The following PTP4A3 variants were observed in gnomAD, a reference collection of about 807,000 sequenced individuals.
PTP4A3 encodes protein tyrosine phosphatase 4A3, also known as protein tyrosine phosphatase type IVA 3.
PTP4A3 carries 9 observed loss-of-function variants against 15.2 expected under a neutral mutation model. The observed-to-expected ratio is 0.59, with a 90% confidence interval of 0.36 to 1.03. PTP4A3 has a LOEUF of 1.03. PTP4A3 is among the 50% of genes least tolerant of loss of function. The pLI is 0.02. For synonymous variants in PTP4A3, 95 were observed against 102.0 expected (o/e 0.93, Z 0.41); for missense variants, 234 against 252.1 (o/e 0.93, Z 0.49).
At chr8:141,405,762 A>T (rs1832705084) in intron 1 of PTP4A3, among the ~76,000 whole-genome samples, 1 of 151,466 alleles carries the variant, frequency 6.6e-6, no homozygotes, top group South Asian at 2.1e-4. Context: ...GGGACAGAGG[A>T]CAGGTCTCGG....
intron 1 of PTP4A3, among the ~76,000 whole-genome samples, chr8:141,399,410 G>T (rs73713616): frequency 6.6e-6 from 1 of 151,852 alleles, no homozygotes; most frequent in Admixed American, 6.5e-5. Flanking sequence ...GGGAATTGCC[G>T]TGTGGAGCTC....
intron 1 of PTP4A3, among the ~76,000 whole-genome samples, chr8:141,399,563 G>A (rs73713617): frequency 0.012 from 1,817 of 152,364 alleles, 38 homozygotes; most frequent in African/African-American, 0.041. Flanking sequence ...CTGGGCCTCC[G>A]TTTTTGTGTC....
chr8:141,413,981 C>T (rs959563403), intron 1 of PTP4A3, among the ~76,000 whole-genome samples: 3 of 146,310 alleles, frequency 2.1e-5, no homozygotes, highest in African/African-American at 8.3e-5. Context: ...TGGTGGGCGT[C>T]GTGGGGCTGG....
intron 1 of PTP4A3, among the ~76,000 whole-genome samples, chr8:141,421,040 G>A (rs1272972918): frequency 6.6e-6 from 1 of 152,196 alleles, no homozygotes; most frequent in Non-Finnish European, 1.5e-5. Context: ...CTCGGCCTCT[G>A]TCCCCACAGA....
chr8:141,396,770 G>A (rs1832461319), intron 1 of PTP4A3, among the ~76,000 whole-genome samples: 1 of 152,206 alleles, frequency 6.6e-6, no homozygotes, highest in Admixed American at 6.5e-5. Context: ...CTGAGTCTCA[G>A]TGTTCCCTTC....
chr8:141,431,649 T>C lies in PTP4A3; in HGVS notation c.*605T>C, dbSNP rs1586576728. The C allele has an allele frequency of 6.6e-6, 1 of 152,510 alleles. No individual in the cohort carries two copies. The highest frequency in any genetic ancestry group is 1.5e-5 in the Non-Finnish European group (1 of 68,322). The allele number at this position is 152,510 out of a possible 1,614,324, so 9.4% of individuals were successfully genotyped here. A position where few individuals can be genotyped will look rare whatever the true frequency, so the allele number is the denominator to read the frequency against. Reference sequence around the variant, plus strand: ...TCCCGCGTGCTCTTGCGCTGCCCTCTGGTGGCCGCTCTGGGTCCTTGCACC... The same window carrying C: ...TCCCGCGTGCTCTTGCGCTGCCCTCCGGTGGCCGCTCTGGGTCCTTGCACC... On this transcript the variant is annotated 3_prime_UTR_variant, in exon 6 of 6. Coordinates refer to ENST00000521578, the MANE Select transcript of PTP4A3 (RefSeq NM_032611.3).
chr8:141,410,654 A>T lies in PTP4A3; in HGVS notation c.-853-10734A>T, dbSNP rs1026644980. Among the ~76,000 whole-genome samples, 6 of 152,316 alleles carry T rather than the reference A, an allele frequency of 3.9e-5. No homozygotes were observed. In the East Asian group the frequency reaches 1.2e-3, roughly 29 times the overall value. On this transcript the variant is annotated intron_variant, in intron 1 of 5. Coordinates refer to ENST00000521578, the MANE Select transcript of PTP4A3 (RefSeq NM_032611.3). Reference sequence around the variant, plus strand: ...GACAGCCTTCCAGCGAACCCATCCTACAGACGAGCACACTGAGGCACAGAG... The same window carrying T: ...GACAGCCTTCCAGCGAACCCATCCTTCAGACGAGCACACTGAGGCACAGAG...
intron 1 of PTP4A3, among the ~76,000 whole-genome samples, chr8:141,407,927 C>T (rs750991583): frequency 3.3e-5 from 5 of 152,156 alleles, no homozygotes; most frequent in Non-Finnish European, 7.3e-5. Flanking sequence ...GTTCATCAGC[C>T]ATCATTAGCG....
chr8:141,393,266 G>T (rs541808670), intron 1 of PTP4A3, among the ~76,000 whole-genome samples: 2 of 152,328 alleles, frequency 1.3e-5, no homozygotes, highest in African/African-American at 4.8e-5. Flanking sequence ...GAGCCTTGTT[G>T]TCCCCATCTG....
At chr8:141,403,322 T>A (rs936336499) in intron 1 of PTP4A3, among the ~76,000 whole-genome samples, 2 of 152,136 alleles carry the variant, frequency 1.3e-5, no homozygotes, top group Non-Finnish European at 2.9e-5. Context: ...GCTGCTGAGA[T>A]GGGAGAATGT....
chr8:141,400,219 G>A (rs928875377), intron 1 of PTP4A3, among the ~76,000 whole-genome samples: 49 of 151,798 alleles, frequency 3.2e-4, no homozygotes, highest in African/African-American at 1.1e-3. Context: ...CTGCCTCTGC[G>A]CCTGGCCCAC....
At chr8:141,415,866 C>T (rs1050331363) in intron 1 of PTP4A3, among the ~76,000 whole-genome samples, 2 of 149,954 alleles carry the variant, frequency 1.3e-5, no homozygotes, top group African/African-American at 4.9e-5. Context: ...TGGAGGACTC[C>T]GGGAAGGCGT....
intron 1 of PTP4A3, among the ~76,000 whole-genome samples, chr8:141,393,363 C>T (rs914038410): frequency 6.6e-6 from 1 of 152,214 alleles, no homozygotes; most frequent in Non-Finnish European, 1.5e-5. Context: ...CATCACCACG[C>T]CGGCCCCCCT....
In PTP4A3 at chr8:141,431,222, C is replaced by T. The variant is rs549145058; in HGVS notation, c.*178C>T. 67 of 624,782 alleles carry T rather than the reference C, an allele frequency of 1.1e-4. No individual in the cohort carries two copies. Among genetic ancestry groups the T allele is most frequent in the East Asian group, 3.9e-4 (14 of 36,060 alleles). 38.7% of individuals were successfully genotyped at this position (624,782 alleles called of 1,614,324 possible). On this transcript the variant is annotated 3_prime_UTR_variant, in exon 6 of 6. Transcript: ENST00000521578. ...TGTGTCCGAGGAGCGAGGAGCCCCT[C>T]GGGCCCTGGGTGGCCTCTGGGCCCT...
intron 3 of PTP4A3, chr8:141,426,554 C>T (rs573068306): frequency 2.2e-4 from 218 of 985,270 alleles, no homozygotes; most frequent in Non-Finnish European, 2.5e-4. Flanking sequence ...ACCAGCCGAC[C>T]CAAAACCTCT....
chr8:141,399,681 T>G (rs978072150), intron 1 of PTP4A3, among the ~76,000 whole-genome samples: 1 of 152,202 alleles, frequency 6.6e-6, no homozygotes, highest in African/African-American at 2.4e-5. Flanking sequence ...GCTGCTTGCT[T>G]CTGAGTCGGT....
Position 141,393,792 on chromosome 8 carries a change from A to G in PTP4A3, c.-854+1708A>G, listed in dbSNP as rs144878282. Among the ~76,000 whole-genome samples, 374 of 152,326 alleles carry G rather than the reference A, an allele frequency of 2.5e-3. 5 individuals carry two copies. The highest frequency in any genetic ancestry group is 6.8e-3 in the Middle Eastern group (2 of 294). On this transcript the variant is annotated intron_variant, in intron 1 of 5. Transcript: ENST00000521578. ...TGGCTGATGCAGTCAGGCACTGGAC[A>G]TGGGAGGCAGGAGGAAGGCCGGGAG... is the stretch of plus-strand genomic sequence containing the variant.
At chr8:141,402,320 G>A (rs548840098) in intron 1 of PTP4A3, among the ~76,000 whole-genome samples, 1 of 152,298 alleles carries the variant, frequency 6.6e-6, no homozygotes, top group African/African-American at 2.4e-5. Context: ...CCTGCTCAGG[G>A]AGGGCTCCCC....
intron 2 of PTP4A3, among the ~76,000 whole-genome samples, chr8:141,424,308 TG>T (rs1450123455): frequency 6.6e-6 from 1 of 152,026 alleles, no homozygotes; most frequent in Non-Finnish European, 1.5e-5. Flanking sequence ...TCCTCCGCAG[TG>T]GGGGTATAAC....
Sources: allele counts gnomAD v4.1 joint callset (sites outside exome capture counted in the v4.1 genomes callset), GRCh38; gene constraint gnomAD v4.1.1; transcripts MANE v1.5; gene names NCBI Gene and HGNC (gene_info 2026-07-23, HGNC 2026-07-21).